Variants in AGPS observed in about 807,000 individuals in gnomAD.
The protein encoded by AGPS is alkyldihydroxyacetonephosphate synthase, peroxisomal.
AGPS carries 26 observed loss-of-function variants against 90.7 expected under a neutral mutation model. That is an observed-to-expected ratio of 0.29 (90% CI 0.21 to 0.40). AGPS has a LOEUF of 0.40. Among genes scored for constraint, AGPS ranks in the 10% least tolerant of loss-of-function variants. The probability of loss-of-function intolerance (pLI) is 1.00; values close to 1 mark genes in which losing one functional copy is unlikely to be tolerated. For missense variants in AGPS, 540 were observed against 816.1 expected (o/e 0.66, Z 4.12); for synonymous variants, 294 against 285.3 (o/e 1.03, Z -0.31).
At chr2:177,509,598 G>A (rs1051891146) in intron 16 of AGPS, among the ~76,000 whole-genome samples, 2 of 150,778 alleles carry the variant, frequency 1.3e-5, no homozygotes, top group Admixed American at 6.6e-5. Context: ...CCCGGGAGGC[G>A]GGGCTTGCAG....
At chr2:177,447,858 A>G (rs1291386158) in intron 8 of AGPS, among the ~76,000 whole-genome samples, 1 of 152,164 alleles carries the variant, frequency 6.6e-6, no homozygotes, top group African/African-American at 2.4e-5. Flanking sequence ...ACCAGTTTAA[A>G]ACATCCTGGC....
chr2:177,415,135 A>C (rs1245493278), intron 1 of AGPS, among the ~76,000 whole-genome samples: 1 of 152,024 alleles, frequency 6.6e-6, no homozygotes, highest in East Asian at 1.9e-4. Context: ...ATGCATATCT[A>C]TTCAACTTAC....
At chr2:177,474,145 A>G (rs1003904833) in intron 10 of AGPS, among the ~76,000 whole-genome samples, 12 of 152,196 alleles carry the variant, frequency 7.9e-5, no homozygotes, top group African/African-American at 2.9e-4. Context: ...GATATGTAGA[A>G]ACATGGGAAA....
In AGPS at chr2:177,482,213, A is replaced by G. The variant is rs750851901; in HGVS notation, c.1233+27A>G. 13 of 1,200,064 alleles carry G rather than the reference A, an allele frequency of 1.1e-5. No individual in the cohort carries two copies. In the African/African-American group the frequency reaches 2.0e-4, roughly 18 times the overall value. 74.3% of individuals were successfully genotyped at this position (1,200,064 alleles called of 1,614,324 possible). The stretch of plus-strand genomic sequence containing the variant: ...TAAAAGAAAAAATATATATATATAC[A>G]TACATACATATATGTTTATGTATTT... On this transcript the variant is annotated intron_variant, in intron 11 of 19. Coordinates refer to ENST00000264167, the MANE Select transcript of AGPS (RefSeq NM_003659.4).
intron 5 of AGPS, among the ~76,000 whole-genome samples, chr2:177,437,258 ATAAT>A (rs2105631270): frequency 6.6e-6 from 1 of 152,242 alleles, no homozygotes; most frequent in Non-Finnish European, 1.5e-5. Context: ...TTTGTTGCTG[ATAAT>A]TAAATCATCA....
intron 5 of AGPS, among the ~76,000 whole-genome samples, chr2:177,440,310 C>T (rs111834275): frequency 6.6e-6 from 1 of 152,084 alleles, no homozygotes; most frequent in Admixed American, 6.5e-5. Flanking sequence ...AATAAGTTAA[C>T]ATTACTGGAA....
At chr2:177,438,937 C>G (rs1296483438) in intron 5 of AGPS, among the ~76,000 whole-genome samples, 1 of 151,786 alleles carries the variant, frequency 6.6e-6, no homozygotes, top group Non-Finnish European at 1.5e-5. Context: ...AAATTTGAGG[C>G]AATGTGGTAT....
At chr2:177,405,217 A>G (rs1389723039) in intron 1 of AGPS, among the ~76,000 whole-genome samples, 1 of 152,250 alleles carries the variant, frequency 6.6e-6, no homozygotes, top group Non-Finnish European at 1.5e-5. Context: ...CCAATAGCAC[A>G]GAATAATTGA....
chr2:177,440,325 G>T (rs920408249), intron 5 of AGPS, among the ~76,000 whole-genome samples: 1 of 152,036 alleles, frequency 6.6e-6, no homozygotes, highest in African/African-American at 2.4e-5. Context: ...CTGGAAATGA[G>T]ACATGTTCAT....
intron 19 of AGPS, among the ~76,000 whole-genome samples, chr2:177,527,729 A>G (rs1007184411): frequency 2.0e-5 from 3 of 152,112 alleles, no homozygotes; most frequent in African/African-American, 4.8e-5. Context: ...GCCTTCTTTT[A>G]TTGAAGACTC....
At position 177,526,227 on chromosome 2, in the gene AGPS, C is replaced by CTT. The variant is rs749224337; in HGVS notation, c.1855+2441_1855+2442dup. Among the ~76,000 whole-genome samples, 145 of 124,290 alleles carry CTT rather than the reference C, an allele frequency of 1.2e-3. 4 individuals carry two copies. The highest frequency in any genetic ancestry group is 3.7e-3 in the African/African-American group (121 of 32,824). 81.5% of individuals were successfully genotyped at this position (124,290 alleles called of 152,430 possible). On this transcript the variant is annotated intron_variant, in intron 19 of 19. Coordinates refer to ENST00000264167, the MANE Select transcript of AGPS (RefSeq NM_003659.4). ...GCAAATAATGTAAATAGCTTCTTGT[C>CTT]TTTTTTTTTTTTTTTTTTTTGATAC...
intron 1 of AGPS, among the ~76,000 whole-genome samples, chr2:177,409,212 C>A (rs145595223): frequency 4.8e-5 from 7 of 145,468 alleles, no homozygotes; most frequent in African/African-American, 1.9e-4. Context: ...CAAAAAAAAC[C>A]CAACTACTGT....
At chr2:177,503,524 G>A (rs116719756) in intron 14 of AGPS, among the ~76,000 whole-genome samples, 138 of 152,196 alleles carry the variant, frequency 9.1e-4, no homozygotes, top group African/African-American at 3.3e-3. Flanking sequence ...ACCTTGAATT[G>A]ATGTTTGAAA....
At chr2:177,421,928 C>A (rs1685951858) in intron 2 of AGPS, among the ~76,000 whole-genome samples, 1 of 152,056 alleles carries the variant, frequency 6.6e-6, no homozygotes, top group South Asian at 2.1e-4. Flanking sequence ...GGTAGATAGT[C>A]ACTTGTATTT....
chr2:177,414,674 A>C (rs1685731545), intron 1 of AGPS, among the ~76,000 whole-genome samples: 1 of 152,194 alleles, frequency 6.6e-6, no homozygotes, highest in African/African-American at 2.4e-5. Flanking sequence ...TTTTATAATA[A>C]ACCATCATGA....
chr2:177,421,849 C>T (rs1229824330), intron 2 of AGPS, among the ~76,000 whole-genome samples: 3 of 152,122 alleles, frequency 2.0e-5, no homozygotes, highest in Non-Finnish European at 2.9e-5. Flanking sequence ...ACACTGTCCT[C>T]ATTTCTCCTT....
chr2:177,454,691 A>G (rs528676501), intron 8 of AGPS, among the ~76,000 whole-genome samples: 2 of 152,124 alleles, frequency 1.3e-5, no homozygotes, highest in South Asian at 2.1e-4. Context: ...CAGTTCTACA[A>G]ATATTCTTCA....
intron 10 of AGPS, among the ~76,000 whole-genome samples, chr2:177,479,531 A>C (rs970511603): frequency 6.6e-6 from 1 of 152,248 alleles, no homozygotes; most frequent in African/African-American, 2.4e-5. Context: ...ATGTTCATCA[A>C]CTGATGAGCA....
intron 5 of AGPS, among the ~76,000 whole-genome samples, chr2:177,438,983 T>TACACACACACAC (rs1252168755): frequency 7.5e-4 from 112 of 150,170 alleles, no homozygotes; most frequent in African/African-American, 2.3e-3. Flanking sequence ...ATTCTTGCAA[T>TACACACACACAC]ACACACACAC....
Sources: gnomAD v4.1 joint callset for allele counts (sites outside exome capture counted in the v4.1 genomes callset) on GRCh38, gnomAD v4.1.1 for gene constraint, MANE v1.5 for transcripts, NCBI Gene and HGNC (gene_info 2026-07-23, HGNC 2026-07-21) for gene names.